NLRP10: variants seen among roughly 807,000 people sequenced by gnomAD.
NLRP10 encodes the protein NLR family pyrin domain containing 10, also known as NACHT, LRR and PYD domains-containing protein 10.
A neutral mutation model predicts 8.2 loss-of-function variants in NLRP10; 7 were observed. That is an observed-to-expected ratio of 0.85 (90% CI 0.48 to 1.60). The LOEUF is 1.60. NLRP10 is among the 40% of genes most tolerant of loss of function. NLRP10 has a pLI of 0.00. For synonymous variants in NLRP10, 338 were observed against 314.0 expected (o/e 1.08, Z -0.81); for missense variants, 814 against 776.3 (o/e 1.05, Z -0.58).
chr11:7,961,292 C>A lies in NLRP10; in HGVS notation c.320G>T (p.Arg107Leu). 1 of 1,591,446 alleles carries A rather than the reference C, an allele frequency of 6.3e-7. No homozygotes were observed. The highest frequency in any genetic ancestry group is 8.6e-7 in the Non-Finnish European group (1 of 1,167,048). Residue 107 changes from arginine (R) to leucine (L), a missense_variant, in exon 3 of 3, where the codon CGC becomes CTC. Transcript: ENST00000691676. ...TGCTTCCTGCCATTCCTCTAGGCAG[C>A]GCACATGCTCTCGGTATACTTCTCT... Reference protein sequence around the residue: ...DYREVYREHVRCLEEWQEAGV... With the variant: ...DYREVYREHVLCLEEWQEAGV...
At position 7,958,521 on chromosome 11, in the gene NLRP10, C is replaced by T. The variant is rs1941658631; in HGVS notation, c.*1123G>A. Among the ~76,000 whole-genome samples, 1 of 151,554 alleles carries T rather than the reference C, an allele frequency of 6.6e-6. No homozygotes were observed. The highest frequency in any genetic ancestry group is 1.5e-5 in the Non-Finnish European group (1 of 67,912). On this transcript the variant is annotated 3_prime_UTR_variant, in exon 3 of 3. Coordinates refer to ENST00000691676, the MANE Select transcript of NLRP10 (RefSeq NM_001391958.1). ...TATTTATTTGCCATCTGTGTATCTT[C>T]TTTAATAAGCTGTCTGTTCCAATCT...
Position 7,957,972 on chromosome 11 carries a change from T to G in NLRP10, c.*1672A>C, listed in dbSNP as rs144253105. 6.0e-4 allele frequency among the ~76,000 whole-genome samples: 92 copies of G among 152,356 alleles called. 1 individual carries two copies. In the East Asian group the frequency reaches 0.017, roughly 28 times the overall value. On this transcript the variant is annotated 3_prime_UTR_variant, in exon 3 of 3. Coordinates refer to ENST00000691676, the MANE Select transcript of NLRP10 (RefSeq NM_001391958.1). ...AGCATATATTTGGAATTACACAGTA[T>G]GTAGCCTTTTCAGACTGACTTCTTT...
chr11:7,963,751 T>G (rs1400903028), intron 1 of NLRP10: 1 of 545,560 alleles, frequency 1.8e-6, no homozygotes. Context: ...GGCAAATGGG[T>G]AGGAAGGTAT....
At chr11:7,961,811 T>C (rs1941736457) in intron 2 of NLRP10, among the ~76,000 whole-genome samples, 1 of 152,164 alleles carries the variant, frequency 6.6e-6, no homozygotes, top group Admixed American at 6.5e-5. Context: ...AGCCTTGATA[T>C]AGTTTGGGTG....
chr11:7,963,454 G>T lies in NLRP10; in HGVS notation c.42C>A (p.Leu14=), dbSNP rs1436643461. 2.5e-6 allele frequency: 4 copies of T among 1,613,868 alleles called. No homozygotes were observed. The highest frequency in any genetic ancestry group is 2.7e-5 in the African/African-American group (2 of 74,926). ...AKARKPREAL[L]WALSDLEEND... is the part of the protein sequence containing the mutation. ...TCTCCTCAAGGTCACTCAAGGCCCA[G>T]AGCAATGCCTCCCGGGGCTTTCTGG... Residue 14 remains leucine (L), a synonymous_variant, in exon 2 of 3, where the codon CTC becomes CTA. Transcript: ENST00000691676.
Position 7,959,601 on chromosome 11 carries a change from T to C in NLRP10, c.*43A>G. The C allele has an allele frequency of 1.0e-6, 1 of 966,728 alleles. No individual in the cohort carries two copies. Among genetic ancestry groups the C allele is most frequent in the African/African-American group, 1.6e-5 (1 of 60,920 alleles). The allele number at this position is 966,728 out of a possible 1,614,324, so 59.9% of individuals were successfully genotyped here. A position where few individuals can be genotyped will look rare whatever the true frequency, so the allele number is the denominator to read the frequency against. Reference sequence around the variant, plus strand: ...TTCTTTGATTTCTTTCCTCAGAGTGTTGTCATTTTCCTCATAGAGATCTTG... The same window carrying C: ...TTCTTTGATTTCTTTCCTCAGAGTGCTGTCATTTTCCTCATAGAGATCTTG... On this transcript the variant is annotated 3_prime_UTR_variant, in exon 3 of 3. Transcript: ENST00000691676.
Position 7,959,574 on chromosome 11 carries a change from G to C in NLRP10, c.*70C>G. ...TGGAAAATCTTCCCATTCATTTACA[G>C]CTTCTTTGATTTCTTTCCTCAGAGT... is the stretch of plus-strand genomic sequence containing the variant. On this transcript the variant is annotated 3_prime_UTR_variant, in exon 3 of 3. Transcript: ENST00000691676. The C allele has an allele frequency of 1.3e-6, 1 of 754,578 alleles. No homozygotes were observed. The allele number at this position is 754,578 out of a possible 1,614,324, so 46.7% of individuals were successfully genotyped here.
In NLRP10 at chr11:7,960,689, C is replaced by G; in HGVS notation, c.923G>C (p.Arg308Pro). The G allele has an allele frequency of 6.2e-7, 1 of 1,614,160 alleles. No homozygotes were observed. The highest frequency in any genetic ancestry group is 8.5e-7 in the Non-Finnish European group (1 of 1,180,024). Residue 308 changes from arginine to proline, a missense_variant, in exon 3 of 3, where the codon CGT becomes CCT. Arg to Pro is a moderately radical substitution (Grantham distance 103). Coordinates refer to ENST00000691676, the MANE Select transcript of NLRP10 (RefSeq NM_001391958.1). ...AGAGAAGCCTAGGATATGGACATGA[C>G]GTGCTTGTTTCAGCAAGGGCTCCAG... is the stretch of plus-strand genomic sequence containing the variant. ...RNLEPLLKQA[R>P]HVHILGFSEE...
At position 7,961,317 on chromosome 11, in the gene NLRP10, T is replaced by C; in HGVS notation, c.295A>G (p.Arg99Gly). ...CGCACATGCTCTCGGTATACTTCTC[T>C]GTAATCTGAGCCAAACAAATGGGAT... ...QLSHICLHDY[R>G]EVYREHVRCL... is the part of the protein sequence containing the mutation. Residue 99 changes from arginine (R) to glycine (G), a missense_variant, in exon 3 of 3, where the codon AGA becomes GGA. Arg to Gly is a moderately radical substitution (Grantham distance 125). Transcript: ENST00000691676. 6.4e-7 allele frequency: 1 copy of C among 1,550,508 alleles called. No homozygotes were observed. The highest frequency in any genetic ancestry group is 8.7e-7 in the Non-Finnish European group (1 of 1,147,202).
rs185419042 is a variant in NLRP10, at chr11:7,963,368, G to C, written c.128C>G (p.Pro43Arg). Residue 43 changes from proline (P) to arginine (R), a missense_variant, in exon 2 of 3, where the codon CCA (proline) becomes CGA (arginine). Physicochemically the swap from Pro to Arg is moderately radical, Grantham distance 103. Transcript: ENST00000691676. ...RDMTLSEGQP[P>R]LARGELEGLI... ...GCCCTCCAACTCCCCTCTGGCCAGTGGGGGCTGGCCCTCAGACAGGGTCAT... is the reference window on the plus strand; with the variant it reads ...GCCCTCCAACTCCCCTCTGGCCAGTCGGGGCTGGCCCTCAGACAGGGTCAT... 3.3e-5 allele frequency: 53 copies of C among 1,614,048 alleles called. 1 individual carries two copies. The African/African-American group carries it at 5.6e-4, about 17-fold the overall frequency.
chr11:7,963,205 A>T lies in NLRP10; in HGVS notation c.289+2T>A. ...CCTCCCCTTCCCCCGCTCCACACTCACCATGCAGACAAATATGGCTGAGCT... is the reference window on the plus strand; with the variant it reads ...CCTCCCCTTCCCCCGCTCCACACTCTCCATGCAGACAAATATGGCTGAGCT... On this transcript the variant is annotated splice_donor_variant, in intron 2 of 2. Transcript: ENST00000691676. LOFTEE classifies it high-confidence loss of function. 6.2e-7 allele frequency: 1 copy of T among 1,613,598 alleles called. No homozygotes were observed. Among genetic ancestry groups the T allele is most frequent in the East Asian group, 2.2e-5 (1 of 44,858 alleles).
At chr11:7,963,027 C>A (rs1941758153) in intron 2 of NLRP10, among the ~76,000 whole-genome samples, 180 bp downstream of exon 2, 1 of 152,168 alleles carries the variant, frequency 6.6e-6, no homozygotes, top group Non-Finnish European at 1.5e-5. Flanking sequence ...GGCTCAGTCC[C>A]CCTCCTGACA....
chr11:7,960,292 G>A lies in NLRP10; in HGVS notation c.1320C>T (p.Gly440=), dbSNP rs1165510871. The A allele has an allele frequency of 6.2e-6, 10 of 1,614,162 alleles. No individual in the cohort carries two copies. The Middle Eastern group carries it at 9.9e-4, about 160-fold the overall frequency. ...EAELRKHNLD[G]PRLAAFLSSN... ...TACTCAGGAAAGCGGCAAGCCTGGG[G>A]CCATCTAAATTATGTTTCCTGAGCT... Residue 440 remains glycine, a synonymous_variant, in exon 3 of 3, where the codon GGC becomes GGT. Transcript: ENST00000691676.
At position 7,959,674 on chromosome 11, in the gene NLRP10, T is replaced by A; in HGVS notation, c.1938A>T (p.Thr646=). 1 of 1,580,330 alleles carries A rather than the reference T, an allele frequency of 6.3e-7. No homozygotes were observed. Among genetic ancestry groups the A allele is most frequent in the East Asian group, 2.2e-5 (1 of 44,700 alleles). The change falls in exon 3 of 3, where the codon ACA becomes ACT. Residue 646 remains threonine, a synonymous_variant. Transcript: ENST00000691676. ...KEASTGKGRG[T]EETPKNTYI Reference sequence around the variant, plus strand: ...TGTAAGTATTTTTTGGTGTTTCCTCTGTCCCTCTGCCTTTTCCAGTAGAAG... The same window carrying A: ...TGTAAGTATTTTTTGGTGTTTCCTCAGTCCCTCTGCCTTTTCCAGTAGAAG...
Position 7,959,982 on chromosome 11 carries a change from C to T in NLRP10, c.1630G>A (p.Asp544Asn). Residue 544 changes from aspartate (D) to asparagine (N), a missense_variant, in exon 3 of 3, where the codon GAT becomes AAT. By Grantham distance (23) the Asp-to-Asn change is conservative. Transcript: ENST00000691676. Reference sequence around the variant, plus strand: ...ATCTGTTCTTTAAAATGCTTCAGATCCTGCGCTAAACAGGGAGAAATTCTG... The same window carrying T: ...ATCTGTTCTTTAAAATGCTTCAGATTCTGCGCTAAACAGGGAGAAATTCTG... ...CFRISPCLAQ[D>N]LKHFKEQMES... 26 of 1,614,094 alleles carry T rather than the reference C, an allele frequency of 1.6e-5. No homozygotes were observed. The highest frequency in any genetic ancestry group is 2.2e-5 in the Non-Finnish European group (26 of 1,179,990).
At position 7,960,418 on chromosome 11, in the gene NLRP10, A is replaced by C. The variant is rs993450082; in HGVS notation, c.1194T>G (p.Asp398Glu). Residue 398 changes from aspartate (D) to glutamate (E), a missense_variant, in exon 3 of 3, where the codon GAT becomes GAG. By Grantham distance (45) the Asp-to-Glu change is conservative. Coordinates refer to ENST00000691676, the MANE Select transcript of NLRP10 (RefSeq NM_001391958.1). ...GCCGGGAAAGCTCGGAGCAGCCCCC[A>C]TCATCATCGGGCGGCAGAAAGGTGG... is the stretch of plus-strand genomic sequence containing the variant. ...YVSTFLPPDD[D>E]GGCSELSRHR... 1.9e-6 allele frequency: 3 copies of C among 1,613,908 alleles called. No individual in the cohort carries two copies. In the African/African-American group the frequency reaches 4.0e-5, roughly 22 times the overall value.
chr11:7,959,740 C>T lies in NLRP10; in HGVS notation c.1872G>A (p.Gln624=). The T allele has an allele frequency of 6.2e-7, 1 of 1,612,464 alleles. No homozygotes were observed. The highest frequency in any genetic ancestry group is 1.6e-4 in the Middle Eastern group (1 of 6,062). ...EEQKCPSVHG[Q]KEGKDNIAGT... is the part of the protein sequence containing the mutation. ...CTGCTATATTATCTTTGCCCTCCTT[C>T]TGTCCATGGACAGAAGGACATTTTT... The change falls in exon 3 of 3, where the codon CAG becomes CAA. Residue 624 remains glutamine, a synonymous_variant. Transcript: ENST00000691676.
At position 7,960,379 on chromosome 11, in the gene NLRP10, C is replaced by T. The variant is rs757257744; in HGVS notation, c.1233G>A (p.Arg411=). ...CSELSRHRVL[R]SLCSLAAEGI... is the part of the protein sequence containing the mutation. ...CTTCAGCTGCTAGGGAGCACAGACT[C>T]CTCAGGACCCTGTGCCGGGAAAGCT... The change falls in exon 3 of 3, where the codon AGG becomes AGA. Residue 411 remains arginine, a synonymous_variant. Transcript: ENST00000691676. 2 of 1,614,078 alleles carry T rather than the reference C, an allele frequency of 1.2e-6. No individual in the cohort carries two copies. Among genetic ancestry groups the T allele is most frequent in the Non-Finnish European group, 8.5e-7 (1 of 1,180,028 alleles).
intron 1 of NLRP10, chr11:7,963,749 G>A (rs1941773012): frequency 3.7e-6 from 2 of 541,692 alleles, no homozygotes; most frequent in Admixed American, 3.3e-5. Flanking sequence ...TTGGCAAATG[G>A]GTAGGAAGGT....
Sources: allele counts gnomAD v4.1 joint callset (sites outside exome capture counted in the v4.1 genomes callset), GRCh38; gene constraint gnomAD v4.1.1; transcripts MANE v1.5; gene names NCBI Gene and HGNC (gene_info 2026-07-23, HGNC 2026-07-21).